The following SHROOM3 variants were observed in gnomAD, a reference collection of about 807,000 sequenced individuals.
SHROOM3 encodes shroom family member 3, also known as protein Shroom3.
In SHROOM3, 47 loss-of-function variants were observed where a neutral mutation model predicts 138.6. The ratio of observed to expected loss-of-function variants is 0.34; its 90% CI spans 0.27 to 0.43. The LOEUF is 0.43. Among genes scored for constraint, SHROOM3 ranks in the 20% least tolerant of loss-of-function variants. SHROOM3 has a pLI of 1.00. For synonymous variants in SHROOM3, 1,062 were observed against 1,063.3 expected, an observed-to-expected ratio of 1.00 and a Z score of 0.02; for missense variants, 2,491 against 2,596.5, an observed-to-expected ratio of 0.96 and a Z score of 0.88.
At chr4:76,763,719 A>G (rs1446524181) in intron 9 of SHROOM3, among the ~76,000 whole-genome samples, 5 of 152,224 alleles carry the variant, frequency 3.3e-5, no homozygotes, top group Non-Finnish European at 7.3e-5. Context: ...TCATATGACA[A>G]TGGAGAACCC....
chr4:76,483,316 C>T (rs1731657001), intron 1 of SHROOM3, among the ~76,000 whole-genome samples: 1 of 151,854 alleles, frequency 6.6e-6, no homozygotes, highest in Admixed American at 6.6e-5. Context: ...AAAAAACAAC[C>T]CCATCAAAAA....
At chr4:76,491,582 A>C (rs1306852756) in intron 1 of SHROOM3, among the ~76,000 whole-genome samples, 1 of 152,198 alleles carries the variant, frequency 6.6e-6, no homozygotes, top group East Asian at 1.9e-4. Flanking sequence ...TTTCAAATGC[A>C]AGGATACCAT....
At chr4:76,555,015 A>C (rs58738561) in intron 1 of SHROOM3, among the ~76,000 whole-genome samples, 2,108 of 150,450 alleles carry the variant, frequency 0.014, 40 homozygotes, top group African/African-American at 0.049. Context: ...ACTATCTCTC[A>C]TCGCCCCCAG....
chr4:76,516,273 A>C (rs1439716962), intron 1 of SHROOM3, among the ~76,000 whole-genome samples: 2 of 152,180 alleles, frequency 1.3e-5, no homozygotes, highest in Non-Finnish European at 2.9e-5. Context: ...GGTCAATTGC[A>C]ATATCTTTGT....
At position 76,738,853 on chromosome 4, in the gene SHROOM3, A is replaced by G. The variant is rs770153135; in HGVS notation, c.680A>G (p.Glu227Gly). The G allele has an allele frequency of 6.2e-7, 1 of 1,614,208 alleles. No individual in the cohort carries two copies. The change falls in exon 5 of 11, where the codon GAG becomes GGG. Residue 227 changes from glutamate to glycine, a missense_variant. Glu to Gly is a moderately conservative substitution (Grantham distance 98, BLOSUM62 -2). This residue lies in a region of SHROOM3 where 284 missense variants were observed against 322.8 expected (regional missense o/e 0.88). Transcript: ENST00000296043. The part of the protein sequence containing the change: ...CSSQGSMESL[E>G]PSGAYPPCHL... ...TCCCAGGGGAGCATGGAGAGCCTGG[A>G]GCCCAGTGGGGCATACCCACCCTGT...
At chr4:76,559,286 T>C (rs536110945) in intron 2 of SHROOM3, 1 of 152,314 alleles carries the variant, frequency 6.6e-6, no homozygotes, top group South Asian at 2.1e-4. Context: ...TCCCCTACCT[T>C]GCAGAGATCC....
intron 2 of SHROOM3, among the ~76,000 whole-genome samples, chr4:76,618,164 C>T (rs190978491): frequency 2.2e-4 from 33 of 152,148 alleles, no homozygotes; most frequent in Non-Finnish European, 3.7e-4. Context: ...ATTAGCTGGG[C>T]GTGGTGGCAT....
chr4:76,537,636 G>A (rs1733007900), intron 1 of SHROOM3, among the ~76,000 whole-genome samples: 2 of 152,106 alleles, frequency 1.3e-5, no homozygotes, highest in South Asian at 4.1e-4. Context: ...AGCAATTTAG[G>A]CTTTGCTGAT....
At chr4:76,764,806 G>C (rs968161838) in intron 9 of SHROOM3, among the ~76,000 whole-genome samples, 5 of 152,140 alleles carry the variant, frequency 3.3e-5, no homozygotes, top group Non-Finnish European at 7.3e-5. Context: ...TGATTTGGAT[G>C]GACTTAGTTT....
intron 8 of SHROOM3, among the ~76,000 whole-genome samples, chr4:76,757,316 C>G (rs1044245478): frequency 6.6e-6 from 1 of 152,110 alleles, no homozygotes. Context: ...CCATGCTCAC[C>G]AAGGTCATTG....
intron 5 of SHROOM3, among the ~76,000 whole-genome samples, chr4:76,743,752 C>A (rs944063871): frequency 6.6e-6 from 1 of 152,172 alleles, no homozygotes. Flanking sequence ...TATAAATCCC[C>A]GACAAATATA....
At chr4:76,706,239 C>A (rs929631272) in intron 2 of SHROOM3, among the ~76,000 whole-genome samples, 2 of 152,104 alleles carry the variant, frequency 1.3e-5, no homozygotes, top group Middle Eastern at 3.4e-3. Context: ...CTTAGCCTCC[C>A]GAGTGGCTGG....
intron 3 of SHROOM3, among the ~76,000 whole-genome samples, chr4:76,713,899 C>T (rs1720301647): frequency 6.6e-6 from 1 of 152,212 alleles, no homozygotes; most frequent in Admixed American, 6.5e-5. Flanking sequence ...CCTAATTTTC[C>T]TGTCCCCCAA....
intron 1 of SHROOM3, among the ~76,000 whole-genome samples, chr4:76,447,024 G>A (rs1167590667): frequency 6.6e-6 from 1 of 152,070 alleles, no homozygotes; most frequent in Non-Finnish European, 1.5e-5. Flanking sequence ...CTCTTGGCAC[G>A]ATCCTGGGAA....
chr4:76,526,196 A>G (rs1357256392), intron 1 of SHROOM3, among the ~76,000 whole-genome samples: 1 of 152,034 alleles, frequency 6.6e-6, no homozygotes, highest in Non-Finnish European at 1.5e-5. Context: ...GTGAAACCCC[A>G]TCTCTACTAA....
intron 1 of SHROOM3, among the ~76,000 whole-genome samples, chr4:76,499,033 G>A (rs752004700): frequency 1.4e-4 from 22 of 152,186 alleles, no homozygotes; most frequent in Non-Finnish European, 3.1e-4. Flanking sequence ...CAGAGATGCT[G>A]CTTTAAAATC....
intron 1 of SHROOM3, among the ~76,000 whole-genome samples, chr4:76,507,205 G>T (rs1159631821): frequency 6.6e-6 from 1 of 152,016 alleles, no homozygotes; most frequent in Non-Finnish European, 1.5e-5. Context: ...ATCAAGCAGA[G>T]GAAAACTAAA....
intron 5 of SHROOM3, 23 bp from the exon 6 acceptor site, chr4:76,748,994 C>T (rs1333593276): frequency 6.2e-7 from 1 of 1,611,910 alleles, no homozygotes; most frequent in South Asian, 1.1e-5. Context: ...GGCAGTAATG[C>T]TGTGCCTTTC....
At chr4:76,545,881 C>A (rs981189061) in intron 1 of SHROOM3, among the ~76,000 whole-genome samples, 1 of 152,196 alleles carries the variant, frequency 6.6e-6, no homozygotes, top group Non-Finnish European at 1.5e-5. Flanking sequence ...CTATGTTGGT[C>A]TGACTGCAGA....
Sources: gnomAD v4.1 joint callset for allele counts (sites outside exome capture counted in the v4.1 genomes callset) on GRCh38, gnomAD v4.1.1 for gene constraint, gnomAD v4.1.1 regional missense constraint, MANE v1.5 for transcripts, NCBI Gene and HGNC (gene_info 2026-07-23, HGNC 2026-07-21) for gene names.